ATP2B2: variants seen among roughly 807,000 people sequenced by gnomAD.
The protein encoded by ATP2B2 is plasma membrane calcium-transporting ATPase 2.
Under a neutral mutation model 120.0 loss-of-function variants are expected in ATP2B2, and 15 were observed. The observed-to-expected ratio is 0.12, with a 90% CI of 0.08 to 0.19. The LOEUF (loss-of-function observed/expected upper bound fraction) is 0.19, where lower values mean the gene tolerates loss of function less well. Ranked by LOEUF, ATP2B2 falls within the 10% of genes least tolerant of loss-of-function variation. The pLI, the probability that ATP2B2 is intolerant of heterozygous loss-of-function variation, is 1.00. For synonymous variants in ATP2B2, 694 were observed against 700.3 expected, an observed-to-expected ratio of 0.99 and a Z score of 0.14; for missense variants, 1,045 against 1,719.8, an observed-to-expected ratio of 0.61 and a Z score of 6.94.
chr3:10,589,509 C>T (rs936259076), intron 2 of ATP2B2, among the ~76,000 whole-genome samples: 4 of 152,220 alleles, frequency 2.6e-5, no homozygotes, highest in Non-Finnish European at 5.9e-5. Flanking sequence ...TATGTTAATG[C>T]TGTCCCTGAA....
chr3:10,566,851 A>C (rs2068020416), intron 2 of ATP2B2, among the ~76,000 whole-genome samples: 2 of 152,224 alleles, frequency 1.3e-5, no homozygotes, highest in Non-Finnish European at 2.9e-5. Flanking sequence ...TTGATTGTCT[A>C]ATTCCTGGAA....
At chr3:10,547,154 CG>C (rs922376293) in intron 2 of ATP2B2, among the ~76,000 whole-genome samples, 2 of 151,804 alleles carry the variant, frequency 1.3e-5, no homozygotes, top group African/African-American at 4.8e-5. Context: ...GGGTCAAGGG[CG>C]GGGGCAAAGA....
At chr3:10,480,881 A>C (rs532888362) in intron 1 of ATP2B2, among the ~76,000 whole-genome samples, 1 of 152,244 alleles carries the variant, frequency 6.6e-6, no homozygotes, top group Non-Finnish European at 1.5e-5. Flanking sequence ...CTTCCAGTAC[A>C]TGCAGAGCTA....
In ATP2B2 at chr3:10,379,219, C is replaced by T. The variant is rs553788390; in HGVS notation, c.1042+24G>A. On this transcript the variant is annotated intron_variant, in intron 9 of 22. Transcript: ENST00000360273. ...GGGGAGGGGCCTCAGGGACGACAAA[C>T]GCCGGTTAAAACAAAAGGGTTACCT... The T allele has an allele frequency of 1.6e-4, 256 of 1,612,772 alleles. No homozygotes were observed. The Middle Eastern group carries it at 5.3e-3, about 33-fold the overall frequency.
At chr3:10,664,326 T>G (rs745610926) in intron 1 of ATP2B2, among the ~76,000 whole-genome samples, 1 of 152,118 alleles carries the variant, frequency 6.6e-6, no homozygotes, top group Non-Finnish European at 1.5e-5. Context: ...ATTTGGTTTA[T>G]CCTTAACAAC....
At chr3:10,476,138 A>T (rs1328460346) in intron 1 of ATP2B2, among the ~76,000 whole-genome samples, 3 of 151,868 alleles carry the variant, frequency 2.0e-5, no homozygotes, top group African/African-American at 7.3e-5. Flanking sequence ...TAATCATATC[A>T]CCCCCAAAAG....
At chr3:10,640,404 T>C (rs1240307096) in intron 1 of ATP2B2, among the ~76,000 whole-genome samples, 1 of 152,052 alleles carries the variant, frequency 6.6e-6, no homozygotes, top group Non-Finnish European at 1.5e-5. Flanking sequence ...GGAGAATCAT[T>C]TTCAGGCTGC....
At position 10,472,619 on chromosome 3, in the gene ATP2B2, C is replaced by T. The variant is rs903750680; in HGVS notation, c.-319-22757G>A. On this transcript the variant is annotated intron_variant, in intron 1 of 22. Coordinates refer to ENST00000360273, the MANE Select transcript of ATP2B2 (RefSeq NM_001001331.4). ...TATTCTCTCAAGGAAACTGTCTCCC[C>T]GAAATCCAATGTCACTTCTGGGAGG... Among the ~76,000 whole-genome samples, 4 of 152,164 alleles carry T rather than the reference C, an allele frequency of 2.6e-5. No homozygotes were observed. In the East Asian group the frequency reaches 7.7e-4, roughly 29 times the overall value.
At chr3:10,659,636 A>G (rs2125677699) in intron 1 of ATP2B2, among the ~76,000 whole-genome samples, 1 of 152,188 alleles carries the variant, frequency 6.6e-6, no homozygotes, top group Non-Finnish European at 1.5e-5. Context: ...ACTCCCACAC[A>G]ATAATAATGG....
At position 10,338,221 on chromosome 3, in the gene ATP2B2, C is replaced by G; in HGVS notation, c.3375G>C (p.Arg1125=). 6.2e-7 allele frequency: 1 copy of G among 1,614,212 alleles called. No homozygotes were observed. Residue 1125 remains arginine (R), a synonymous_variant, in exon 22 of 23, where the codon CGG becomes CGC. Coordinates refer to ENST00000360273, the MANE Select transcript of ATP2B2 (RefSeq NM_001001331.4). ...EIDHAERELR[R]GQILWFRGLN... Reference sequence around the variant, plus strand: ...GGCCTCGGAACCACAGGATCTGGCCCCGCCGCAGCTCCCGCTCCGCGTGGT... The same window carrying G: ...GGCCTCGGAACCACAGGATCTGGCCGCGCCGCAGCTCCCGCTCCGCGTGGT...
At chr3:10,542,840 G>T (rs1257053192) in intron 2 of ATP2B2, among the ~76,000 whole-genome samples, 3 of 152,146 alleles carry the variant, frequency 2.0e-5, no homozygotes, top group African/African-American at 7.2e-5. Context: ...TTTGGAATTT[G>T]CTCAGCTTCC....
intron 2 of ATP2B2, among the ~76,000 whole-genome samples, chr3:10,556,319 G>A (rs2067778208): frequency 6.6e-6 from 1 of 152,192 alleles, no homozygotes. Flanking sequence ...GTAGGTATTA[G>A]GCTCTCCACT....
At chr3:10,554,151 A>G (rs1392446177) in intron 2 of ATP2B2, among the ~76,000 whole-genome samples, 1 of 151,976 alleles carries the variant, frequency 6.6e-6, no homozygotes, top group Admixed American at 6.5e-5. Context: ...ATGGCGCTTG[A>G]CCCTTTGTAA....
In ATP2B2 at chr3:10,577,066, A is replaced by G. The variant is rs2068270101; in HGVS notation, c.-415+42851T>C. 4.0e-5 allele frequency among the ~76,000 whole-genome samples: 6 copies of G among 151,656 alleles called. No homozygotes were observed. The South Asian group carries it at 1.3e-3, about 32-fold the overall frequency. On this transcript the variant is annotated intron_variant, in intron 2 of 21. Coordinates refer to the ATP2B2 transcript ENST00000646379. ...GACTCTGTGTCAAAAAAAAAAAAAA[A>G]AAAAAAAGAAGCTGCCTGGGTATGG... is the stretch of plus-strand genomic sequence containing the variant.
At chr3:10,626,865 GACACACACACACACAC>G (rs36206226) in intron 1 of ATP2B2, 1,512 of 142,948 alleles carry the variant, frequency 0.011, 14 homozygotes, top group African/African-American at 0.015. Flanking sequence ...CTGGTAGTGA[GACACACACACACACAC>G]ACACACACAC....
chr3:10,488,304 T>C (rs1461403723), intron 1 of ATP2B2, among the ~76,000 whole-genome samples: 2 of 67,948 alleles, frequency 2.9e-5, no homozygotes, highest in African/African-American at 6.7e-5. Flanking sequence ...CACCCACCTA[T>C]CTATTCATTC....
chr3:10,503,575 C>T (rs182937431), intron 1 of ATP2B2, among the ~76,000 whole-genome samples: 11 of 152,386 alleles, frequency 7.2e-5, no homozygotes, highest in African/African-American at 2.6e-4. Context: ...GCCACCTTGC[C>T]TCCTGGAAGC....
At chr3:10,456,032 A>G (rs1355814887) in intron 1 of ATP2B2, among the ~76,000 whole-genome samples, 2 of 152,230 alleles carry the variant, frequency 1.3e-5, no homozygotes, top group Non-Finnish European at 2.9e-5. Context: ...TGACTCAAGA[A>G]TAGGTTAGGG....
chr3:10,456,669 T>C (rs2064273226), intron 1 of ATP2B2, among the ~76,000 whole-genome samples: 1 of 152,276 alleles, frequency 6.6e-6, no homozygotes, highest in Admixed American at 6.5e-5. Flanking sequence ...AACTCAGCTC[T>C]GACTTTCCCA....
Sources: gnomAD v4.1 joint callset for allele counts (sites outside exome capture counted in the v4.1 genomes callset) on GRCh38, gnomAD v4.1.1 for gene constraint, MANE v1.5 for transcripts, NCBI Gene and HGNC (gene_info 2026-07-23, HGNC 2026-07-21) for gene names.